The following BNC2 variants were observed in gnomAD, a reference collection of about 807,000 sequenced individuals.
BNC2 encodes the protein zinc finger protein basonuclin-2.
Under a neutral mutation model 76.3 loss-of-function variants are expected in BNC2, and 20 were observed. The observed-to-expected ratio is 0.26, with a 90% CI of 0.18 to 0.38. The LOEUF (loss-of-function observed/expected upper bound fraction) is 0.38. BNC2 is among the 10% of genes least tolerant of loss of function. BNC2 has a pLI of 1.00. For missense variants in BNC2, 1,382 were observed against 1,399.8 expected (o/e 0.99, Z 0.20); for synonymous variants, 582 against 514.8 (o/e 1.13, Z -1.77).
intron 3 of BNC2, among the ~76,000 whole-genome samples, chr9:16,598,801 A>G (rs998010796): frequency 5.3e-5 from 8 of 152,206 alleles, no homozygotes; most frequent in African/African-American, 1.7e-4. Flanking sequence ...GCACTGGCTC[A>G]CAGGCAGTGT....
chr9:16,474,835 C>A (rs7866113), intron 5 of BNC2, among the ~76,000 whole-genome samples: 5 of 152,098 alleles, frequency 3.3e-5, no homozygotes, highest in African/African-American at 1.2e-4. Context: ...ATCTCCCAGT[C>A]ATTAAAAAAA....
intron 3 of BNC2, among the ~76,000 whole-genome samples, chr9:16,695,536 T>C (rs1243031290): frequency 2.7e-3 from 24 of 8,968 alleles, no homozygotes; most frequent in Middle Eastern, 0.12. Flanking sequence ...TTTTTCTTTC[T>C]TTTTTTTTTT....
intron 1 of BNC2, among the ~76,000 whole-genome samples, chr9:16,742,677 G>A (rs1191369319): frequency 1.3e-5 from 2 of 152,128 alleles, no homozygotes; most frequent in African/African-American, 2.4e-5. Flanking sequence ...TTTGAGCTTC[G>A]TGGTCTCCTG....
At chr9:16,790,058 G>A (rs34481388) in intron 1 of BNC2, among the ~76,000 whole-genome samples, 38,418 of 152,180 alleles carry the variant, frequency 0.25, 6,459 homozygotes, top group Middle Eastern at 0.4. Flanking sequence ...GGAGTGCAGT[G>A]GCGCGATCTC....
intron 5 of BNC2, among the ~76,000 whole-genome samples, chr9:16,486,686 T>A (rs990303173): frequency 6.6e-6 from 1 of 152,216 alleles, no homozygotes; most frequent in African/African-American, 2.4e-5. Context: ...TCTATAGGGA[T>A]GCAAATTATT....
At chr9:16,632,813 C>T (rs1343885047) in intron 3 of BNC2, among the ~76,000 whole-genome samples, 2 of 152,110 alleles carry the variant, frequency 1.3e-5, no homozygotes. Flanking sequence ...TTAGCACCAA[C>T]TTTTATGCAA....
chr9:16,777,618 G>A (rs539114473), intron 1 of BNC2, among the ~76,000 whole-genome samples: 139 of 150,570 alleles, frequency 9.2e-4, no homozygotes, highest in Non-Finnish European at 1.6e-3. Context: ...AGAGAATGAC[G>A]TGAACCCGGG....
intron 3 of BNC2, among the ~76,000 whole-genome samples, chr9:16,591,880 T>C (rs532134941): frequency 1.3e-5 from 2 of 152,322 alleles, no homozygotes; most frequent in Non-Finnish European, 2.9e-5. Flanking sequence ...TAATGTCATA[T>C]GAAGAAATAG....
rs377747032 is a variant in BNC2, at chr9:16,755,869, G to C, written c.4-17384C>G. Among the ~76,000 whole-genome samples the C allele has an allele frequency of 5.9e-5, 9 of 152,258 alleles. No individual in the cohort carries two copies. The East Asian group carries it at 1.4e-3, about 23-fold the overall frequency. On this transcript the variant is annotated intron_variant, in intron 1 of 6. Coordinates refer to ENST00000380672, the MANE Select transcript of BNC2 (RefSeq NM_017637.6). Reference sequence around the variant, plus strand: ...TTTTATCCTTCTCCGCTTTTCTTAGGAGTGTTTCCTTGGAGACATTGTGAA... The same window carrying C: ...TTTTATCCTTCTCCGCTTTTCTTAGCAGTGTTTCCTTGGAGACATTGTGAA...
intron 3 of BNC2, among the ~76,000 whole-genome samples, chr9:16,583,680 C>G (rs1315590327): frequency 6.6e-6 from 1 of 152,010 alleles, no homozygotes; most frequent in Non-Finnish European, 1.5e-5. Context: ...ATTTTTTATT[C>G]TATTTTCGTT....
intron 5 of BNC2, among the ~76,000 whole-genome samples, chr9:16,516,201 C>T (rs1817419526): frequency 6.6e-6 from 1 of 152,136 alleles, no homozygotes; most frequent in African/African-American, 2.4e-5. Flanking sequence ...TATTCAGCCA[C>T]ATTAACATGC....
At chr9:16,509,816 A>T (rs1822711897) in intron 5 of BNC2, among the ~76,000 whole-genome samples, 1 of 152,220 alleles carries the variant, frequency 6.6e-6, no homozygotes, top group South Asian at 2.1e-4. Context: ...TAAAGAAGAA[A>T]TATGTAGAGG....
rs571630772 is a variant in BNC2 at position 16,516,490 on chromosome 9, G to A, written c.669+36040C>T. ...ACCAACTGAGATAAATATCACTTAT[G>A]TATCATCAATGTCCAAATTACATAC... On this transcript the variant is annotated intron_variant, in intron 5 of 6. Transcript: ENST00000380672. 1.1e-4 allele frequency among the ~76,000 whole-genome samples: 16 copies of A among 152,132 alleles called. No homozygotes were observed. In the South Asian group the frequency reaches 2.7e-3, roughly 26 times the overall value.
intron 5 of BNC2, among the ~76,000 whole-genome samples, chr9:16,457,106 T>C (rs974081360): frequency 6.6e-6 from 1 of 152,182 alleles, no homozygotes; most frequent in Non-Finnish European, 1.5e-5. Context: ...TTTGCAGTAA[T>C]ATGTAAATAT....
chr9:16,742,299 T>G (rs982546453), intron 1 of BNC2, among the ~76,000 whole-genome samples: 3 of 152,210 alleles, frequency 2.0e-5, no homozygotes, highest in African/African-American at 7.2e-5. Context: ...TTAATAAACA[T>G]AAGACAAAGC....
intron 1 of BNC2, among the ~76,000 whole-genome samples, chr9:16,827,735 T>C (rs991453505): frequency 3.9e-5 from 6 of 152,060 alleles, no homozygotes; most frequent in African/African-American, 1.5e-4. Flanking sequence ...ATGGTACATA[T>C]GGGAAGAAGT....
At chr9:16,514,107 C>T (rs1363534804) in intron 5 of BNC2, among the ~76,000 whole-genome samples, 1 of 152,162 alleles carries the variant, frequency 6.6e-6, no homozygotes, top group African/African-American at 2.4e-5. Flanking sequence ...ATCTGAACCA[C>T]CAAAGTCCTT....
chr9:16,616,840 T>G (rs1420380683), intron 3 of BNC2, among the ~76,000 whole-genome samples: 5 of 28,890 alleles, frequency 1.7e-4, no homozygotes, highest in South Asian at 3.7e-3. Flanking sequence ...AGGAAGGAAG[T>G]TCTACTGACA....
chr9:16,476,887 T>A (rs1165644371), intron 5 of BNC2, among the ~76,000 whole-genome samples: 1 of 152,160 alleles, frequency 6.6e-6, no homozygotes, highest in Non-Finnish European at 1.5e-5. Flanking sequence ...TGTACAAAAA[T>A]TGTCCAATTT....
Sources: allele counts gnomAD v4.1 joint callset (sites outside exome capture counted in the v4.1 genomes callset), GRCh38; gene constraint gnomAD v4.1.1; transcripts MANE v1.5; gene names NCBI Gene and HGNC (gene_info 2026-07-23, HGNC 2026-07-21).